Variants in NOS1AP observed in about 807,000 individuals in gnomAD.
The protein encoded by NOS1AP is carboxyl-terminal PDZ ligand of neuronal nitric oxide synthase protein.
NOS1AP carries 21 observed loss-of-function variants against 56.2 expected under a neutral mutation model. The ratio of observed to expected loss-of-function variants is 0.37; its 90% CI spans 0.26 to 0.54. The LOEUF is 0.54. Ranked by LOEUF, NOS1AP falls within the 20% of genes least tolerant of loss-of-function variation. NOS1AP has a pLI of 0.84. For missense variants in NOS1AP, 522 were observed against 657.8 expected, an observed-to-expected ratio of 0.79 and a Z score of 2.26; for synonymous variants, 270 against 274.6, an observed-to-expected ratio of 0.98 and a Z score of 0.17.
intron 2 of NOS1AP, among the ~76,000 whole-genome samples, chr1:162,277,257 C>T (rs951175589): frequency 6.6e-6 from 1 of 152,188 alleles, no homozygotes; most frequent in African/African-American, 2.4e-5. Flanking sequence ...AACTACTTTT[C>T]AAAGAGAGCT....
chr1:162,334,192 T>C (rs1429784274), intron 5 of NOS1AP, among the ~76,000 whole-genome samples: 1 of 152,218 alleles, frequency 6.6e-6, no homozygotes. Context: ...AAGAGAATTA[T>C]GCTTTGTTAA....
intron 2 of NOS1AP, among the ~76,000 whole-genome samples, chr1:162,175,639 G>A (rs1001350707): frequency 6.6e-6 from 1 of 152,134 alleles, no homozygotes; most frequent in African/African-American, 2.4e-5. Context: ...CGGTCGGTTA[G>A]TTGCTGCTGG....
At chr1:162,186,428 C>CA (rs997522447) in intron 2 of NOS1AP, among the ~76,000 whole-genome samples, 10 of 151,020 alleles carry the variant, frequency 6.6e-5, no homozygotes, top group African/African-American at 2.4e-4. Context: ...CAAAAAAAAA[C>CA]AAAAAAACCC....
chr1:162,102,486 CT>C (rs959063329), intron 1 of NOS1AP, among the ~76,000 whole-genome samples: 12 of 152,162 alleles, frequency 7.9e-5, no homozygotes, highest in African/African-American at 2.9e-4. Context: ...GGAGTCCCTC[CT>C]TTTCAATTGT....
chr1:162,310,237 G>A (rs750871262), intron 4 of NOS1AP, among the ~76,000 whole-genome samples: 7 of 152,158 alleles, frequency 4.6e-5, no homozygotes, highest in Admixed American at 2.6e-4. Context: ...GGTATACCCC[G>A]TTCTTTGCTT....
chr1:162,319,372 A>G (rs569225999), intron 4 of NOS1AP, among the ~76,000 whole-genome samples: 2 of 151,238 alleles, frequency 1.3e-5, no homozygotes, highest in East Asian at 3.9e-4. Flanking sequence ...CCTCCACACC[A>G]CCATGACTAC....
intron 6 of NOS1AP, among the ~76,000 whole-genome samples, chr1:162,354,094 G>C (rs1334572761): frequency 6.6e-6 from 1 of 152,202 alleles, no homozygotes; most frequent in African/African-American, 2.4e-5. Context: ...GACTTGTGTA[G>C]GTTTGCATAG....
chr1:162,113,486 G>A (rs1647792379), intron 1 of NOS1AP, among the ~76,000 whole-genome samples: 1 of 152,150 alleles, frequency 6.6e-6, no homozygotes, highest in South Asian at 2.1e-4. Flanking sequence ...AAGAAAAGAG[G>A]TTTAATTGGC....
At chr1:162,349,843 A>G (rs1258072512) in intron 6 of NOS1AP, among the ~76,000 whole-genome samples, 2 of 152,222 alleles carry the variant, frequency 1.3e-5, no homozygotes, top group Non-Finnish European at 1.5e-5. Flanking sequence ...TGCCGAGGCC[A>G]TGAAGCTAAA....
intron 1 of NOS1AP, among the ~76,000 whole-genome samples, chr1:162,105,340 G>A (rs959693242): frequency 2.6e-5 from 4 of 152,192 alleles, no homozygotes; most frequent in Non-Finnish European, 2.9e-5. Flanking sequence ...GTAGGAGGTG[G>A]CTGGAGACCC....
At chr1:162,261,044 C>T (rs1227537710) in intron 2 of NOS1AP, among the ~76,000 whole-genome samples, 1 of 114,132 alleles carries the variant, frequency 8.8e-6, no homozygotes, top group Non-Finnish European at 1.8e-5. Context: ...TTGTTATATT[C>T]CCAAGATGAC....
chr1:162,268,804 A>C (rs1418315417), intron 2 of NOS1AP, among the ~76,000 whole-genome samples: 1 of 152,126 alleles, frequency 6.6e-6, no homozygotes, highest in Non-Finnish European at 1.5e-5. Flanking sequence ...AAAGGTTTAA[A>C]AAAAGAAGAA....
In NOS1AP at chr1:162,367,716, T is replaced by G; in HGVS notation, c.*249T>G. ...CTAGAGGGTGGTGGAGGTAAGGCCT[T>G]CCAGAGCCCATGGCTTCAGGAGAGG... is the stretch of plus-strand genomic sequence containing the variant. On this transcript the variant is annotated 3_prime_UTR_variant, in exon 10 of 10. Transcript: ENST00000361897. This position sits in a 1 kb window ranked among gnomAD's most constrained non-coding sequence, Gnocchi z 6.5. 5.8e-6 allele frequency: 3 copies of G among 518,036 alleles called. No individual in the cohort carries two copies. Among genetic ancestry groups the G allele is most frequent in the South Asian group, 2.4e-5 (1 of 41,518 alleles). The allele number at this position is 518,036 out of a possible 1,614,324, so 32.1% of individuals were successfully genotyped here. A position where few individuals can be genotyped will look rare whatever the true frequency, so the allele number is the denominator to read the frequency against.
chr1:162,171,807 C>G (rs1650795560), intron 2 of NOS1AP, among the ~76,000 whole-genome samples: 1 of 152,114 alleles, frequency 6.6e-6, no homozygotes, highest in South Asian at 2.1e-4. Flanking sequence ...TGTCATGCTT[C>G]TCCTCATGGC....
At chr1:162,337,004 G>C (rs28579521) in intron 5 of NOS1AP, among the ~76,000 whole-genome samples, 16,085 of 152,176 alleles carry the variant, frequency 0.11, 1,034 homozygotes, top group South Asian at 0.15. Context: ...TCCCCTCCTT[G>C]GGGGATATAA....
intron 2 of NOS1AP, among the ~76,000 whole-genome samples, chr1:162,197,854 G>A (rs1651858115): frequency 6.6e-6 from 1 of 152,230 alleles, no homozygotes; most frequent in Non-Finnish European, 1.5e-5. Flanking sequence ...AACTCTCTTG[G>A]CCCTGCCGCA....
At position 162,360,601 on chromosome 1, in the gene NOS1AP, G is replaced by A. The variant is rs927157129; in HGVS notation, c.939+3465G>A. The A allele has an allele frequency of 1.7e-5, 6 of 351,862 alleles. No homozygotes were observed. In the Admixed American group the frequency reaches 2.3e-4, roughly 13 times the overall value. 21.8% of individuals were successfully genotyped at this position (351,862 alleles called of 1,614,324 possible). ...ACCTGCTGCCACTTCTGTTTGTTCA[G>A]GAACAAGGAATTGGTTATTTATGCT... On this transcript the variant is annotated intron_variant, in intron 8 of 9. Transcript: ENST00000361897.
intron 2 of NOS1AP, among the ~76,000 whole-genome samples, chr1:162,156,090 T>C (rs1649961490): frequency 6.6e-6 from 1 of 152,250 alleles, no homozygotes; most frequent in African/African-American, 2.4e-5. Context: ...TTCATCAGCC[T>C]AATAAAATCT....
chr1:162,154,466 G>A lies in NOS1AP; in HGVS notation c.167G>A (p.Arg56His), dbSNP rs1001048433. The change falls in exon 2 of 10, where the codon CGC becomes CAC. Residue 56 changes from arginine to histidine, a missense_variant. By Grantham distance (29) the Arg-to-His change is conservative. Around this residue, in one of 4 missense-constraint regions of NOS1AP, gnomAD observed 132 missense variants for 218.1 expected, o/e 0.61. Transcript: ENST00000361897. ...AGGGTGGAGATCGTGGCTGCCATGC[G>A]CCGGATACGGGTGAGTGGCCAGAGG... is the stretch of plus-strand genomic sequence containing the variant. ...NSRVEIVAAM[R>H]RIRYEFKAKN... 2.5e-6 allele frequency: 4 copies of A among 1,613,850 alleles called. No individual in the cohort carries two copies. The highest frequency in any genetic ancestry group is 1.3e-5 in the African/African-American group (1 of 74,894).
Sources: gnomAD v4.1 joint callset for allele counts (sites outside exome capture counted in the v4.1 genomes callset) on GRCh38, gnomAD v4.1.1 for gene constraint, gnomAD v4.1.1 regional missense constraint, Gnocchi (gnomAD v3.1) non-coding constraint, MANE v1.5 for transcripts, NCBI Gene and HGNC (gene_info 2026-07-23, HGNC 2026-07-21) for gene names.